Variants in WSCD1 observed in about 807,000 individuals in gnomAD.
WSCD1 encodes the protein sialate:O-sulfotransferase 1.
A neutral mutation model predicts 60.4 loss-of-function variants in WSCD1; 41 were observed. The observed-to-expected ratio is 0.68, with a 90% CI of 0.53 to 0.88. The LOEUF (loss-of-function observed/expected upper bound fraction) is 0.88, where lower values mean the gene tolerates loss of function less well. Among genes scored for constraint, WSCD1 ranks in the 40% least tolerant of loss-of-function variants. WSCD1 has a pLI of 0.00. For missense variants in WSCD1, 784 were observed against 796.2 expected, an observed-to-expected ratio of 0.98 and a Z score of 0.18; for synonymous variants, 361 against 332.5, an observed-to-expected ratio of 1.09 and a Z score of -0.93.
intron 4 of WSCD1, among the ~76,000 whole-genome samples, chr17:6,093,437 C>T (rs866542648): frequency 1.3e-5 from 2 of 152,208 alleles, no homozygotes; most frequent in African/African-American, 4.8e-5. Flanking sequence ...TCATGGCCCC[C>T]TTTTGTCCCT....
At chr17:6,106,322 T>C (rs1597366934) in intron 5 of WSCD1, among the ~76,000 whole-genome samples, 1 of 152,214 alleles carries the variant, frequency 6.6e-6, no homozygotes, top group African/African-American at 2.4e-5. Context: ...CAGAGGAGCA[T>C]TATTCACAAT....
chr17:6,089,843 C>T (rs976391019), intron 3 of WSCD1, among the ~76,000 whole-genome samples: 11 of 152,172 alleles, frequency 7.2e-5, no homozygotes, highest in Admixed American at 4.6e-4. Flanking sequence ...GGGCTGGTTC[C>T]ATTCGTTTAT....
In WSCD1 at chr17:6,123,155, A is replaced by G. The variant is rs1263712719; in HGVS notation, c.*2494A>G. The G allele has an allele frequency of 6.6e-6, 1 of 152,182 alleles. No homozygotes were observed. The highest frequency in any genetic ancestry group is 6.5e-5 in the Admixed American group (1 of 15,282). The allele number at this position is 152,182 out of a possible 1,614,324, so 9.4% of individuals were successfully genotyped here. A position where few individuals can be genotyped will look rare whatever the true frequency, so the allele number is the denominator to read the frequency against. Reference sequence around the variant, plus strand: ...TACTCTCCCAACCAGCCAAGGAATAAAAGCTGATCTGTATGTAGGGCAGAA... The same window carrying G: ...TACTCTCCCAACCAGCCAAGGAATAGAAGCTGATCTGTATGTAGGGCAGAA... On this transcript the variant is annotated 3_prime_UTR_variant, in exon 9 of 9. Transcript: ENST00000317744.
intron 2 of WSCD1, among the ~76,000 whole-genome samples, chr17:6,081,713 G>GA (rs199907884): frequency 7.5e-4 from 106 of 142,138 alleles, no homozygotes; most frequent in Non-Finnish European, 1.1e-3. Flanking sequence ...TCAAAAAAAA[G>GA]AAAAAAAAAA....
intron 5 of WSCD1, among the ~76,000 whole-genome samples, chr17:6,106,891 G>A (rs1009792156): frequency 3.9e-5 from 6 of 152,180 alleles, no homozygotes; most frequent in African/African-American, 1.4e-4. Flanking sequence ...AACAGCAAGT[G>A]CAAAGGCCCT....
At chr17:6,090,285 C>A in intron 3 of WSCD1, 36 bp from the exon 4 acceptor site, 1 of 1,519,766 alleles carries the variant, frequency 6.6e-7, no homozygotes, top group Non-Finnish European at 8.8e-7. Flanking sequence ...TAGCTCTGGG[C>A]CAAGGTCCGG....
chr17:6,089,696 C>G (rs1251149723), intron 3 of WSCD1, among the ~76,000 whole-genome samples: 1 of 152,172 alleles, frequency 6.6e-6, no homozygotes, highest in Non-Finnish European at 1.5e-5. Context: ...CAGAAATTGG[C>G]AAACAGTACA....
At position 6,118,141 on chromosome 17, in the gene WSCD1, G is replaced by A. The variant is rs750750198; in HGVS notation, c.1328G>A (p.Cys443Tyr). 6 of 1,614,200 alleles carry A rather than the reference G, an allele frequency of 3.7e-6. No homozygotes were observed. The highest frequency in any genetic ancestry group is 3.4e-6 in the Non-Finnish European group (4 of 1,180,040). ...CTGGTGGCAGAATTCAACAGAAAAT[G>A]TGCCGGGCACCTGGGATATGCAGCT... ...RSLVAEFNRK[C>Y]AGHLGYAADR... Residue 443 changes from cysteine to tyrosine, a missense_variant, in exon 8 of 9, where the codon TGT (cysteine) becomes TAT (tyrosine). Cys to Tyr is a radical substitution (Grantham distance 194). Coordinates refer to ENST00000317744, the MANE Select transcript of WSCD1 (RefSeq NM_015253.2). The surrounding 1 kb of genome is among the most constrained non-coding windows in gnomAD (Gnocchi z 5.8).
chr17:6,073,684 G>T (rs532355819), intron 1 of WSCD1, among the ~76,000 whole-genome samples: 1 of 152,326 alleles, frequency 6.6e-6, no homozygotes, highest in East Asian at 1.9e-4. Flanking sequence ...AAAAGGTTGC[G>T]ACTGGCTGTT....
intron 5 of WSCD1, among the ~76,000 whole-genome samples, chr17:6,100,443 C>T (rs182123597): frequency 2.0e-4 from 30 of 152,362 alleles, no homozygotes; most frequent in South Asian, 4.1e-4. Context: ...ATCTGCCCAA[C>T]GGAGCGAGCC....
chr17:6,095,615 A>G lies in WSCD1; in HGVS notation c.849+392A>G, dbSNP rs374389218. Reference sequence around the variant, plus strand: ...CTGACGGTGTTGGGCCGTGAATCTGATGACAGGGGCTGGAGCCACACTTGC... The same window carrying G: ...CTGACGGTGTTGGGCCGTGAATCTGGTGACAGGGGCTGGAGCCACACTTGC... On this transcript the variant is annotated intron_variant, in intron 5 of 8. Transcript: ENST00000317744. 1.1e-4 allele frequency among the ~76,000 whole-genome samples: 17 copies of G among 152,300 alleles called. No homozygotes were observed. In the East Asian group the frequency reaches 1.5e-3, roughly 14 times the overall value.
At chr17:6,088,188 C>T (rs1909785643) in intron 3 of WSCD1, 84 bp downstream of exon 3, 8 of 1,185,584 alleles carry the variant, frequency 6.7e-6, no homozygotes, top group Non-Finnish European at 3.7e-6. Context: ...TATCAGCTAC[C>T]AGTTGGCTGT....
At position 6,118,591 on chromosome 17, in the gene WSCD1, C is replaced by T. The variant is rs903031469; in HGVS notation, c.1375+403C>T. Among the ~76,000 whole-genome samples the T allele has an allele frequency of 5.3e-5, 8 of 152,176 alleles. No individual in the cohort carries two copies. The highest frequency in any genetic ancestry group is 1.9e-4 in the African/African-American group (8 of 41,424). Reference sequence around the variant, plus strand: ...TTGCACCTTCCTCTGTGTTCAGCACCAGGTTCCTCTTTTATAGAATGAGAC... The same window carrying T: ...TTGCACCTTCCTCTGTGTTCAGCACTAGGTTCCTCTTTTATAGAATGAGAC... On this transcript the variant is annotated intron_variant, in intron 8 of 8. Coordinates refer to ENST00000317744, the MANE Select transcript of WSCD1 (RefSeq NM_015253.2). The surrounding 1 kb of genome is among the most constrained non-coding windows in gnomAD (Gnocchi z 5.8).
chr17:6,075,479 C>G lies in WSCD1; in HGVS notation c.-289+4827C>G, dbSNP rs986128036. Among the ~76,000 whole-genome samples, 1 of 152,158 alleles carries G rather than the reference C, an allele frequency of 6.6e-6. No homozygotes were observed. Among genetic ancestry groups the G allele is most frequent in the Non-Finnish European group, 1.5e-5 (1 of 68,028 alleles). On this transcript the variant is annotated intron_variant, in intron 1 of 8. Coordinates refer to ENST00000317744, the MANE Select transcript of WSCD1 (RefSeq NM_015253.2). The surrounding 1 kb of genome is among the most constrained non-coding windows in gnomAD (Gnocchi z 4.1). ...GGCCACCTGACCAGCCCAAGCCACC[C>G]ATCATTCAGGCTGGGCAGTTGCTGC...
intron 5 of WSCD1, among the ~76,000 whole-genome samples, chr17:6,106,610 G>A (rs373952914): frequency 1.3e-5 from 2 of 152,346 alleles, no homozygotes; most frequent in Admixed American, 6.5e-5. Context: ...GAGGGAAGGA[G>A]GATGGTGAAT....
chr17:6,074,598 C>T (rs1303375461), intron 1 of WSCD1, among the ~76,000 whole-genome samples: 1 of 152,238 alleles, frequency 6.6e-6, no homozygotes, highest in African/African-American at 2.4e-5. Context: ...TGCTTAGTGC[C>T]TAGCACTGAG....
At position 6,088,113 on chromosome 17, in the gene WSCD1, T is replaced by C. The variant is rs1412034462; in HGVS notation, c.542+9T>C. 1 of 1,611,994 alleles carries C rather than the reference T, an allele frequency of 6.2e-7. No individual in the cohort carries two copies. Among genetic ancestry groups the C allele is most frequent in the Non-Finnish European group, 8.5e-7 (1 of 1,178,292 alleles). ...GATGCGTGTGCTGAGCGGTGAGTGC[T>C]GGGGCCCTGGACTGTTGATTCTAGA... On this transcript the variant is annotated intron_variant, in intron 3 of 8. Coordinates refer to ENST00000317744, the MANE Select transcript of WSCD1 (RefSeq NM_015253.2).
At chr17:6,105,893 G>C (rs1911061125) in intron 5 of WSCD1, among the ~76,000 whole-genome samples, 1 of 152,224 alleles carries the variant, frequency 6.6e-6, no homozygotes, top group Non-Finnish European at 1.5e-5. Flanking sequence ...GATTTGCTTA[G>C]AGATAGCGGC....
intron 1 of WSCD1, among the ~76,000 whole-genome samples, chr17:6,072,872 ATATGCC>A (rs1227736627): frequency 1.3e-5 from 2 of 152,210 alleles, no homozygotes; most frequent in African/African-American, 2.4e-5. Context: ...GGAACTCTGC[ATATGCC>A]CTGCCTCCTG....
Sources: gnomAD v4.1 joint callset for allele counts (sites outside exome capture counted in the v4.1 genomes callset) on GRCh38, gnomAD v4.1.1 for gene constraint, Gnocchi (gnomAD v3.1) non-coding constraint, MANE v1.5 for transcripts, NCBI Gene and HGNC (gene_info 2026-07-23, HGNC 2026-07-21) for gene names.